Variants in ASPH observed in about 807,000 individuals in gnomAD.
The protein encoded by ASPH is aspartyl/asparaginyl beta-hydroxylase.
ASPH carries 100 observed loss-of-function variants against 118.4 expected under a neutral mutation model. The observed-to-expected ratio is 0.84, with a 90% CI of 0.72 to 1.00. The LOEUF is 1.00. ASPH is among the 50% of genes least tolerant of loss of function. The pLI, the probability that ASPH is intolerant of heterozygous loss-of-function variation, is 0.00. For synonymous variants in ASPH, 315 were observed against 325.6 expected (o/e 0.97, Z 0.35); for missense variants, 920 against 919.5 (o/e 1.00, Z -0.01).
intron 18 of ASPH, among the ~76,000 whole-genome samples, chr8:61,559,216 G>C (rs1426009105): frequency 2.0e-5 from 3 of 152,158 alleles, no homozygotes; most frequent in East Asian, 1.9e-4. Context: ...AAAATAACAT[G>C]TTCTTTTCTC....
Position 61,579,458 on chromosome 8 carries a change from G to A in ASPH, c.1063-2600C>T, listed in dbSNP as rs1587561723. The A allele has an allele frequency of 1.5e-5, 24 of 1,607,976 alleles. No homozygotes were observed. In the East Asian group the frequency reaches 4.2e-4, roughly 28 times the overall value. On this transcript the variant is annotated intron_variant, in intron 15 of 24. Coordinates refer to ENST00000379454, the MANE Select transcript of ASPH (RefSeq NM_004318.4). ...GGATGCAGAACATGAGTATTCATAC[G>A]AAGACCACCAGCGGCTATGCAGGTG...
chr8:61,685,791 A>T (rs568963498), intron 1 of ASPH, among the ~76,000 whole-genome samples: 128 of 144,432 alleles, frequency 8.9e-4, no homozygotes, highest in African/African-American at 2.8e-3. Flanking sequence ...ATGTAGATAA[A>T]TTTTTTTTTT....
intron 16 of ASPH, among the ~76,000 whole-genome samples, chr8:61,575,458 A>G (rs1834821322): frequency 6.6e-6 from 1 of 152,136 alleles, no homozygotes; most frequent in African/African-American, 2.4e-5. Context: ...TAGAAAGCAT[A>G]TACATTGGAC....
At chr8:61,664,778 G>A (rs767822090) in intron 3 of ASPH, 75 of 986,448 alleles carry the variant, frequency 7.6e-5, no homozygotes, top group Non-Finnish European at 8.7e-5. Context: ...GGTGGCACAT[G>A]AGCCTGGGGA....
At chr8:61,663,242 G>A in intron 3 of ASPH, 1 of 985,302 alleles carries the variant, frequency 1.0e-6, no homozygotes, top group Non-Finnish European at 1.2e-6. Context: ...GATGAAGTTT[G>A]AGTGGGACCC....
rs188805410 is a variant in ASPH at position 61,701,582 on chromosome 8, G to C, written c.103+12687C>G. On this transcript the variant is annotated intron_variant, in intron 1 of 24. Coordinates refer to ENST00000379454, the MANE Select transcript of ASPH (RefSeq NM_004318.4). The stretch of plus-strand genomic sequence containing the variant: ...TGATTGAAACATTGGGCTATGTTTG[G>C]ATCCATGCCAGGCTCCCTAGGTCTC... 9.1e-4 allele frequency among the ~76,000 whole-genome samples: 138 copies of C among 152,294 alleles called. No homozygotes were observed. The Middle Eastern group carries it at 0.01, about 11-fold the overall frequency.
chr8:61,575,437 G>A lies in ASPH; in HGVS notation c.1149+1335C>T, dbSNP rs554083446. Among the ~76,000 whole-genome samples, 4 of 152,106 alleles carry A rather than the reference G, an allele frequency of 2.6e-5. No homozygotes were observed. The South Asian group carries it at 8.3e-4, about 32-fold the overall frequency. ...CTCTGTTTTCTTTTTCCTCTGCTTA[G>A]CACTTAGCCCTAGAAAGCATATACA... On this transcript the variant is annotated intron_variant, in intron 16 of 24. Coordinates refer to ENST00000379454, the MANE Select transcript of ASPH (RefSeq NM_004318.4).
intron 1 of ASPH, chr8:61,689,599 G>T: frequency 2.8e-6 from 4 of 1,408,152 alleles, no homozygotes; most frequent in Non-Finnish European, 3.9e-6. Context: ...TTTTAACAGA[G>T]CACCACTGAA....
chr8:61,578,816 T>A, intron 15 of ASPH: 1 of 1,610,226 alleles, frequency 6.2e-7, no homozygotes, highest in Non-Finnish European at 8.5e-7. Flanking sequence ...TCAAGAAGGA[T>A]GTGGATGAAG....
intron 14 of ASPH, among the ~76,000 whole-genome samples, chr8:61,610,767 T>A (rs532586015): frequency 1.3e-5 from 2 of 152,324 alleles, no homozygotes; most frequent in Non-Finnish European, 2.9e-5. Flanking sequence ...TGCTGCAACA[T>A]CTAGGCAGGC....
At position 61,684,063 on chromosome 8, in the gene ASPH, G is replaced by A; in HGVS notation, c.229C>T (p.Leu77Phe). ...CCTAGAACTTCCTCATAGTCAACAAGATCAAACCAAACGACAGCTACAGAT... is the reference window on the plus strand; with the variant it reads ...CCTAGAACTTCCTCATAGTCAACAAAATCAAACCAAACGACAGCTACAGAT... The part of the protein sequence containing the change: ...WTSVAVVWFD[L>F]VDYEEVLGKL... Residue 77 changes from leucine to phenylalanine, a missense_variant, in exon 2 of 25, where the codon CTT (leucine) becomes TTT (phenylalanine). Transcript: ENST00000379454. The A allele has an allele frequency of 6.2e-7, 1 of 1,613,498 alleles. No homozygotes were observed. Among genetic ancestry groups the A allele is most frequent in the Non-Finnish European group, 8.5e-7 (1 of 1,179,648 alleles).
chr8:61,642,938 A>T lies in ASPH; in HGVS notation c.758-18T>A, dbSNP rs767643592. 7.7e-6 allele frequency: 12 copies of T among 1,557,554 alleles called. No individual in the cohort carries two copies. Among genetic ancestry groups the T allele is most frequent in the Non-Finnish European group, 9.5e-6 (11 of 1,157,688 alleles). ...TACATCATCTGAAAAAAAAAAGAGA[A>T]TAAAAGCAAAATAAGTATTAACTGA... On this transcript the variant is annotated intron_variant, in intron 9 of 24. Coordinates refer to ENST00000379454, the MANE Select transcript of ASPH (RefSeq NM_004318.4).
At chr8:61,569,484 A>G (rs1832812240) in intron 16 of ASPH, among the ~76,000 whole-genome samples, 1 of 152,176 alleles carries the variant, frequency 6.6e-6, no homozygotes, top group Admixed American at 6.5e-5. Context: ...ACAGTAAGAA[A>G]ATGACCCATC....
intron 18 of ASPH, among the ~76,000 whole-genome samples, chr8:61,557,484 C>G (rs59882706): frequency 1.3e-5 from 2 of 151,962 alleles, no homozygotes; most frequent in African/African-American, 4.8e-5. Context: ...CCCTTACCTC[C>G]GTGAAGCCTA....
At chr8:61,664,585 T>C (rs1450435125) in intron 3 of ASPH, 3 of 986,276 alleles carry the variant, frequency 3.0e-6, no homozygotes, top group African/African-American at 3.5e-5. Context: ...GTGAGAAGCA[T>C]GCAGGAGTGA....
chr8:61,665,048 A>G (rs1818834561), intron 3 of ASPH: 2 of 1,304,522 alleles, frequency 1.5e-6, no homozygotes, highest in Non-Finnish European at 1.9e-6. Flanking sequence ...ATATTCTATG[A>G]CATTTTTAAA....
chr8:61,539,147 A>C (rs1406382621), intron 21 of ASPH, among the ~76,000 whole-genome samples: 4 of 152,206 alleles, frequency 2.6e-5, no homozygotes, highest in Non-Finnish European at 2.9e-5. Flanking sequence ...AGGTAGAGGC[A>C]TGAGAATCGC....
chr8:61,602,577 A>T (rs1466671039), intron 14 of ASPH, among the ~76,000 whole-genome samples: 1 of 151,338 alleles, frequency 6.6e-6, no homozygotes, highest in African/African-American at 2.5e-5. Flanking sequence ...ACTTCTTGGC[A>T]TTTTACTGGA....
chr8:61,682,601 A>G, intron 2 of ASPH: 4 of 924,884 alleles, frequency 4.3e-6, no homozygotes, highest in Non-Finnish European at 6.6e-6. Flanking sequence ...GTCAAAGCAT[A>G]GATCTACTCA....
Sources: gnomAD v4.1 joint callset for allele counts (sites outside exome capture counted in the v4.1 genomes callset) on GRCh38, gnomAD v4.1.1 for gene constraint, MANE v1.5 for transcripts, NCBI Gene and HGNC (gene_info 2026-07-23, HGNC 2026-07-21) for gene names.